The following NALCN variants were observed in gnomAD, a reference collection of about 807,000 sequenced individuals.
NALCN encodes sodium leak channel NALCN.
A neutral mutation model predicts 225.3 loss-of-function variants in NALCN; 111 were observed. The ratio of observed to expected loss-of-function variants is 0.49; its 90% CI spans 0.42 to 0.58. The LOEUF is 0.58. Among genes scored for constraint, NALCN ranks in the 20% least tolerant of loss-of-function variants. The pLI, the probability that NALCN is intolerant of heterozygous loss-of-function variation, is 0.00. For missense variants in NALCN, 1,378 were observed against 2,202.4 expected (o/e 0.63, Z 7.49); for synonymous variants, 764 against 769.0 (o/e 0.99, Z 0.11).
chr13:101,178,302 C>T (rs2039045123), intron 14 of NALCN, among the ~76,000 whole-genome samples: 1 of 152,008 alleles, frequency 6.6e-6, no homozygotes, highest in African/African-American at 2.4e-5. Context: ...GTTCTGTGTC[C>T]TAATTTAATC....
chr13:101,199,565 C>T (rs1361926076), intron 13 of NALCN, among the ~76,000 whole-genome samples: 4 of 145,602 alleles, frequency 2.7e-5, no homozygotes, highest in Admixed American at 7.1e-5. Context: ...AACCAAACAC[C>T]GCATGTTCTC....
intron 7 of NALCN, among the ~76,000 whole-genome samples, chr13:101,303,954 T>C (rs2044062794): frequency 6.6e-6 from 1 of 152,120 alleles, no homozygotes; most frequent in Non-Finnish European, 1.5e-5. Context: ...TGCAGAGAAA[T>C]ATGGAGCAAT....
At chr13:101,270,306 T>C (rs1050653563) in intron 10 of NALCN, among the ~76,000 whole-genome samples, 1 of 152,230 alleles carries the variant, frequency 6.6e-6, no homozygotes, top group African/African-American at 2.4e-5. Flanking sequence ...GACGCCATGA[T>C]GGTTTTGAGA....
At position 101,109,926 on chromosome 13, in the gene NALCN, T is replaced by C. The variant is rs78781545; in HGVS notation, c.2364+693A>G. Among the ~76,000 whole-genome samples the C allele has an allele frequency of 0.017, 2,601 of 152,278 alleles. 123 individuals carry two copies. In the East Asian group the frequency reaches 0.2, roughly 12 times the overall value. On this transcript the variant is annotated intron_variant, in intron 20 of 43. Transcript: ENST00000251127. ...TTATAAAGCAAATCTGTCACAGTAA[T>C]GAAGAGATGATGGAAAATAAAAAGA...
At chr13:101,107,642 A>T (rs938583784) in intron 21 of NALCN, 33 bp from the exon 22 acceptor site, 2 of 1,613,902 alleles carry the variant, frequency 1.2e-6, no homozygotes, top group African/African-American at 1.3e-5. Context: ...GAATGAGGCT[A>T]AGGGAAATTT....
chr13:101,404,162 G>A (rs1018234513), intron 1 of NALCN, among the ~76,000 whole-genome samples: 11 of 152,170 alleles, frequency 7.2e-5, no homozygotes, highest in Admixed American at 2.0e-4. Context: ...TCTCTTCAAC[G>A]TCCATCTAGT....
At chr13:101,350,402 C>T (rs547701349) in intron 6 of NALCN, among the ~76,000 whole-genome samples, 16 of 152,130 alleles carry the variant, frequency 1.1e-4, no homozygotes, top group Non-Finnish European at 2.1e-4. Flanking sequence ...CAGGCCCCAG[C>T]TTAACTATCA....
chr13:101,358,757 G>C (rs1196046777), intron 6 of NALCN, among the ~76,000 whole-genome samples: 1 of 152,154 alleles, frequency 6.6e-6, no homozygotes, highest in African/African-American at 2.4e-5. Flanking sequence ...TATGTTTCTT[G>C]CAACACTATT....
In NALCN at chr13:101,377,930, A is replaced by G. The variant is rs1250633929; in HGVS notation, c.375+640T>C. 3.3e-5 allele frequency among the ~76,000 whole-genome samples: 5 copies of G among 152,154 alleles called. No individual in the cohort carries two copies. In the East Asian group the frequency reaches 9.6e-4, roughly 29 times the overall value. On this transcript the variant is annotated intron_variant, in intron 4 of 43. Coordinates refer to ENST00000251127, the MANE Select transcript of NALCN (RefSeq NM_052867.4). ...AGAAATTAATTCTACTTATTTTCCA[A>G]TCAAATCTGTCCTGTAAGTCTTTTT...
intron 34 of NALCN, 98 bp from the exon 35 acceptor site, chr13:101,076,039 G>A: frequency 1.1e-6 from 1 of 876,424 alleles, no homozygotes; most frequent in Admixed American, 2.8e-5. Flanking sequence ...TGAATAATTA[G>A]CTTAATATGT....
intron 18 of NALCN, chr13:101,116,960 G>C: frequency 1.9e-6 from 1 of 516,708 alleles, no homozygotes; most frequent in Non-Finnish European, 3.9e-6. Flanking sequence ...CCCAAGTAGA[G>C]ACAACAGCGG....
intron 9 of NALCN, among the ~76,000 whole-genome samples, chr13:101,284,794 A>G (rs1189400663): frequency 1.3e-5 from 2 of 152,174 alleles, no homozygotes; most frequent in African/African-American, 4.8e-5. Flanking sequence ...ATTATCTCCT[A>G]GGTACCTATT....
chr13:101,277,278 A>G (rs1210498293), intron 10 of NALCN, among the ~76,000 whole-genome samples: 12 of 152,146 alleles, frequency 7.9e-5, no homozygotes, highest in Non-Finnish European at 1.6e-4. Flanking sequence ...CATAATACCA[A>G]TGGAGACAGT....
intron 3 of NALCN, among the ~76,000 whole-genome samples, chr13:101,381,145 T>A (rs1461376206): frequency 6.6e-6 from 1 of 152,026 alleles, no homozygotes; most frequent in African/African-American, 2.4e-5. Flanking sequence ...AAAAGAGATA[T>A]GAAAGCAAAC....
intron 18 of NALCN, among the ~76,000 whole-genome samples, chr13:101,119,370 A>G (rs2035862960): frequency 6.6e-6 from 1 of 152,188 alleles, no homozygotes; most frequent in African/African-American, 2.4e-5. Context: ...ACAGTTATTA[A>G]TATAAGTGCA....
chr13:101,089,191 C>T lies in NALCN; in HGVS notation c.3489+472G>A, dbSNP rs192833334. 1.3e-5 allele frequency among the ~76,000 whole-genome samples: 2 copies of T among 152,204 alleles called. No individual in the cohort carries two copies. The highest frequency in any genetic ancestry group is 2.9e-5 in the Non-Finnish European group (2 of 68,028). Reference sequence around the variant, plus strand: ...GGGATTACAGGCGTGAGCCACCATGCCCTGCCACAAAATCTTTTTTTCTGT... The same window carrying T: ...GGGATTACAGGCGTGAGCCACCATGTCCTGCCACAAAATCTTTTTTTCTGT... On this transcript the variant is annotated intron_variant, in intron 30 of 43. Coordinates refer to ENST00000251127, the MANE Select transcript of NALCN (RefSeq NM_052867.4). The surrounding 1 kb of genome is among the most constrained non-coding windows in gnomAD (Gnocchi z 4.7).
At chr13:101,317,804 C>T (rs191419970) in intron 7 of NALCN, among the ~76,000 whole-genome samples, 12 of 152,252 alleles carry the variant, frequency 7.9e-5, no homozygotes, top group Admixed American at 5.2e-4. Flanking sequence ...TATTATAATG[C>T]TTACCTCTGC....
intron 43 of NALCN, chr13:101,057,254 A>G (rs2031377993): frequency 6.6e-6 from 1 of 152,518 alleles, no homozygotes; most frequent in South Asian, 2.1e-4. Flanking sequence ...TCCATTCCTG[A>G]GTGCTCTTAA....
intron 36 of NALCN, among the ~76,000 whole-genome samples, chr13:101,073,894 T>A (rs2033076065): frequency 6.6e-6 from 1 of 152,170 alleles, no homozygotes; most frequent in African/African-American, 2.4e-5. Context: ...ACTAATTTAT[T>A]ACCATTCATC....
Sources: gnomAD v4.1 joint callset for allele counts (sites outside exome capture counted in the v4.1 genomes callset) on GRCh38, gnomAD v4.1.1 for gene constraint, Gnocchi (gnomAD v3.1) non-coding constraint, MANE v1.5 for transcripts, NCBI Gene and HGNC (gene_info 2026-07-23, HGNC 2026-07-21) for gene names.